Variants in FGF12 observed in about 807,000 individuals in gnomAD.
The protein encoded by FGF12 is fibroblast growth factor 12B.
A neutral mutation model predicts 23.6 loss-of-function variants in FGF12; 14 were observed. The observed-to-expected ratio is 0.59, with a 90% confidence interval of 0.39 to 0.93. The LOEUF (loss-of-function observed/expected upper bound fraction) is 0.93. FGF12 is among the 40% of genes least tolerant of loss of function. The pLI, the probability that FGF12 is intolerant of heterozygous loss-of-function variation, is 0.00. For synonymous variants in FGF12, 62 were observed against 77.3 expected, an observed-to-expected ratio of 0.80 and a Z score of 1.04; for missense variants, 175 against 217.8, an observed-to-expected ratio of 0.80 and a Z score of 1.24.
intron 2 of FGF12, among the ~76,000 whole-genome samples, chr3:192,507,335 A>G (rs1288300427): frequency 9.3e-3 from 2 of 214 alleles, no homozygotes; most frequent in African/African-American, 0.048. Context: ...TTGACCAAAT[A>G]CACACACACA....
chr3:192,401,504 C>T lies in FGF12; in HGVS notation c.14-40966G>A, dbSNP rs534191622. Among the ~76,000 whole-genome samples, 4 of 152,288 alleles carry T rather than the reference C, an allele frequency of 2.6e-5. No homozygotes were observed. In the East Asian group the frequency reaches 7.7e-4, roughly 29 times the overall value. On this transcript the variant is annotated intron_variant, in intron 2 of 5. Coordinates refer to ENST00000445105, the MANE Select transcript of FGF12 (RefSeq NM_004113.6). Reference sequence around the variant, plus strand: ...CCACTAAAAGATTTTCAGGAAGCTTCTAGGGCCTCTGTACTGTATGGTACT... The same window carrying T: ...CCACTAAAAGATTTTCAGGAAGCTTTTAGGGCCTCTGTACTGTATGGTACT...
chr3:192,407,980 G>C (rs2108775860), intron 2 of FGF12: 2 of 1,537,056 alleles, frequency 1.3e-6, no homozygotes, highest in East Asian at 2.3e-5. Context: ...GAGGGAGAAA[G>C]AGGGCGTCCC....
At chr3:192,652,036 C>A (rs1716231498) in intron 2 of FGF12, among the ~76,000 whole-genome samples, 1 of 152,166 alleles carries the variant, frequency 6.6e-6, no homozygotes, top group African/African-American at 2.4e-5. Flanking sequence ...TTGCCAGGCA[C>A]CTACTCTATG....
intron 2 of FGF12, among the ~76,000 whole-genome samples, chr3:192,483,287 C>G (rs956591238): frequency 4.6e-5 from 7 of 152,128 alleles, no homozygotes; most frequent in African/African-American, 1.7e-4. Flanking sequence ...CAAATGCCCC[C>G]TCTTTCCTGG....
intron 4 of FGF12, among the ~76,000 whole-genome samples, chr3:192,252,964 C>T (rs533466949): frequency 1.3e-5 from 2 of 152,172 alleles, no homozygotes; most frequent in Admixed American, 1.3e-4. Flanking sequence ...GAAACTAAAT[C>T]ACATCAGTTG....
In FGF12 at chr3:192,142,630, T is replaced by C. The variant is rs2108574315; in HGVS notation, c.*1379A>G. The C allele has an allele frequency of 6.6e-6, 1 of 152,118 alleles. No individual in the cohort carries two copies. The highest frequency in any genetic ancestry group is 1.5e-5 in the Non-Finnish European group (1 of 67,804). The allele number at this position is 152,118 out of a possible 1,614,324, so 9.4% of individuals were successfully genotyped here. On this transcript the variant is annotated 3_prime_UTR_variant, in exon 6 of 6. Coordinates refer to ENST00000445105, the MANE Select transcript of FGF12 (RefSeq NM_004113.6). ...TTAAAAATACTTTAGTATTCTTAAC[T>C]ATGTATGTGCCTTCTCTTACACTGA...
intron 4 of FGF12, among the ~76,000 whole-genome samples, chr3:192,287,157 G>A (rs961405530): frequency 1.1e-4 from 16 of 151,816 alleles, no homozygotes; most frequent in African/African-American, 2.7e-4. Flanking sequence ...TTTGATTAAC[G>A]TTCAATGTTT....
intron 2 of FGF12, among the ~76,000 whole-genome samples, chr3:192,475,164 A>G (rs190087668): frequency 9.5e-4 from 144 of 152,344 alleles, no homozygotes; most frequent in Non-Finnish European, 1.8e-3. Flanking sequence ...TAGTTTATAA[A>G]TCAAAACAGA....
At chr3:192,497,925 TC>T (rs981016053) in intron 2 of FGF12, among the ~76,000 whole-genome samples, 49 of 152,332 alleles carry the variant, frequency 3.2e-4, no homozygotes, top group African/African-American at 1.2e-3. Context: ...ATTATTTGGC[TC>T]ACCACTGAAT....
At chr3:192,557,089 C>A (rs1277643301) in intron 2 of FGF12, among the ~76,000 whole-genome samples, 1 of 151,330 alleles carries the variant, frequency 6.6e-6, no homozygotes, top group Non-Finnish European at 1.5e-5. Context: ...TCAGTAAATG[C>A]CTGCAATAAG....
chr3:192,657,120 T>G (rs1716458931), intron 2 of FGF12, among the ~76,000 whole-genome samples: 1 of 152,080 alleles, frequency 6.6e-6, no homozygotes, highest in South Asian at 2.1e-4. Context: ...TTTTTTCCTT[T>G]ACATTCATAA....
intron 5 of FGF12, among the ~76,000 whole-genome samples, chr3:192,146,107 GA>G (rs1713688091): frequency 6.6e-6 from 1 of 152,102 alleles, no homozygotes; most frequent in Non-Finnish European, 1.5e-5. Flanking sequence ...AATCAGCTGT[GA>G]AAACTTACAC....
intron 2 of FGF12, among the ~76,000 whole-genome samples, chr3:192,401,712 T>C (rs1015547649): frequency 6.6e-6 from 1 of 152,182 alleles, no homozygotes; most frequent in Admixed American, 6.5e-5. Flanking sequence ...ACAAAATTCA[T>C]CTTAGGCTTC....
At chr3:192,158,419 T>TTTTCTTTCTTTC (rs1714629903) in intron 5 of FGF12, among the ~76,000 whole-genome samples, 3 of 14,958 alleles carry the variant, frequency 2.0e-4, no homozygotes, top group African/African-American at 4.3e-4. Flanking sequence ...TTCTTTCTCT[T>TTTTCTTTCTTTC]TCTTTTTCTT....
rs564646999 is a variant in FGF12 at position 192,507,105 on chromosome 3, C to G, written c.14-146567G>C. 3.7e-3 allele frequency among the ~76,000 whole-genome samples: 558 copies of G among 151,692 alleles called. 4 individuals are homozygous for G. Among genetic ancestry groups the G allele is most frequent in the African/African-American group, 0.012 (496 of 41,352 alleles). On this transcript the variant is annotated intron_variant, in intron 2 of 5. Transcript: ENST00000445105. ...GACGGGGTTTCACCGTGTTAGCCAG[C>G]ATGGTCTTGATCTCCTGACCTCGTG...
chr3:192,711,517 T>A (rs981449442), intron 2 of FGF12, among the ~76,000 whole-genome samples: 1 of 152,100 alleles, frequency 6.6e-6, no homozygotes, highest in East Asian at 1.9e-4. Context: ...GGGGGAAATG[T>A]GGGGAAAAGA....
At chr3:192,294,181 G>A (rs951522496) in intron 4 of FGF12, among the ~76,000 whole-genome samples, 4 of 152,020 alleles carry the variant, frequency 2.6e-5, no homozygotes, top group African/African-American at 9.7e-5. Flanking sequence ...ATGATCATGA[G>A]GCCTCCCCAG....
At chr3:192,481,962 A>T (rs1307975525) in intron 2 of FGF12, among the ~76,000 whole-genome samples, 2 of 152,202 alleles carry the variant, frequency 1.3e-5, no homozygotes, top group Admixed American at 1.3e-4. Flanking sequence ...TATTTGTCTA[A>T]ATATGAAGAA....
At position 192,408,383 on chromosome 3, in the gene FGF12, A is replaced by T. The variant is rs1576959089; in HGVS notation, c.14-47845T>A. ...GCAGTATCGAAAACCCGGCGCTCAC[A>T]AGGTTAGTCAAAGTCTGGGCAGTGG... is the stretch of plus-strand genomic sequence containing the variant. On this transcript the variant is annotated intron_variant, in intron 2 of 5. Coordinates refer to ENST00000445105, the MANE Select transcript of FGF12 (RefSeq NM_004113.6). The surrounding 1 kb of genome is among the most constrained non-coding windows in gnomAD (Gnocchi z 7.3). 7.0e-7 allele frequency: 1 copy of T among 1,419,440 alleles called. No homozygotes were observed. Among genetic ancestry groups the T allele is most frequent in the Admixed American group, 3.0e-5 (1 of 33,114 alleles). 87.9% of individuals were successfully genotyped at this position (1,419,440 alleles called of 1,614,324 possible).
Sources: gnomAD v4.1 joint callset for allele counts (sites outside exome capture counted in the v4.1 genomes callset) on GRCh38, gnomAD v4.1.1 for gene constraint, Gnocchi (gnomAD v3.1) non-coding constraint, MANE v1.5 for transcripts, NCBI Gene and HGNC (gene_info 2026-07-23, HGNC 2026-07-21) for gene names.